DOP1B: variants seen among roughly 807,000 people sequenced by gnomAD.
DOP1B encodes protein DOP1B.
Under a neutral mutation model 233.5 loss-of-function variants are expected in DOP1B, and 174 were observed. That is an observed-to-expected ratio of 0.75 (90% CI 0.66 to 0.85). The LOEUF is 0.85. Among genes scored for constraint, DOP1B ranks in the 40% least tolerant of loss-of-function variants. DOP1B has a pLI of 0.00. For missense variants in DOP1B, 2,652 were observed against 2,846.6 expected, an observed-to-expected ratio of 0.93 and a Z score of 1.56; for synonymous variants, 1,190 against 1,185.6, an observed-to-expected ratio of 1.00 and a Z score of -0.08.
At chr21:36,287,914 TAC>T in intron 32 of DOP1B, 98 bp from the exon 33 acceptor site, 1 of 1,430,648 alleles carries the variant, frequency 7.0e-7, no homozygotes, top group Non-Finnish European at 9.4e-7. Context: ...ACTGGGTTGT[TAC>T]TAGAATGTCA....
chr21:36,290,707 T>C (rs1213790769), intron 35 of DOP1B, among the ~76,000 whole-genome samples: 1 of 151,854 alleles, frequency 6.6e-6, no homozygotes, highest in East Asian at 1.9e-4. Context: ...GGAGAATCGC[T>C]TGAACCTGGG....
intron 21 of DOP1B, among the ~76,000 whole-genome samples, chr21:36,250,566 G>A (rs1272082822): frequency 6.6e-6 from 1 of 152,168 alleles, no homozygotes; most frequent in African/African-American, 2.4e-5. Context: ...AGAGCGGTAG[G>A]ATTTACAGAG....
intron 12 of DOP1B, among the ~76,000 whole-genome samples, chr21:36,226,088 A>G (rs891546938): frequency 6.6e-6 from 1 of 152,168 alleles, no homozygotes; most frequent in Non-Finnish European, 1.5e-5. Context: ...TTGCAAGGAG[A>G]GGAGTAACAT....
intron 35 of DOP1B, 72 bp from the exon 36 acceptor site, chr21:36,292,032 T>C: frequency 6.7e-7 from 1 of 1,501,058 alleles, no homozygotes; most frequent in East Asian, 2.3e-5. Context: ...GAATTATATC[T>C]TAATAAAACT....
Position 36,289,424 on chromosome 21 carries a change from G to GGTGTGTGTGTGT in DOP1B, c.6515+258_6515+269dup, listed in dbSNP as rs59907412. On this transcript the variant is annotated intron_variant, in intron 35 of 36. Coordinates refer to ENST00000691173, the MANE Select transcript of DOP1B (RefSeq NM_001320714.2). Reference sequence around the variant, plus strand: ...GGAGTGTTTATGAATGTGTTTCTATGGTGTGTGTGTGTGTGTGTGTGTGTG... The same window carrying GGTGTGTGTGTGT: ...GGAGTGTTTATGAATGTGTTTCTATGGTGTGTGTGTGTGTGTGTGTGTGTGTGTGTGTGTGTG... Among the ~76,000 whole-genome samples, 227 of 145,026 alleles carry GGTGTGTGTGTGT rather than the reference G, an allele frequency of 1.6e-3. 2 individuals are homozygous for GGTGTGTGTGTGT. The highest frequency in any genetic ancestry group is 2.1e-3 in the East Asian group (10 of 4,692).
intron 2 of DOP1B, among the ~76,000 whole-genome samples, chr21:36,176,079 G>A (rs1320179054): frequency 8.9e-5 from 2 of 22,528 alleles, no homozygotes; most frequent in South Asian, 1.3e-3. Flanking sequence ...GAGGAGCTTC[G>A]ACTTTGGGGT....
chr21:36,220,787 G>A (rs1016884852), intron 10 of DOP1B, among the ~76,000 whole-genome samples: 1 of 151,326 alleles, frequency 6.6e-6, no homozygotes, highest in Non-Finnish European at 1.5e-5. Context: ...TTATAGGTGT[G>A]AGCCGCCATG....
intron 25 of DOP1B, 45 bp from the exon 26 acceptor site, chr21:36,263,703 T>C (rs1055852743): frequency 6.2e-7 from 1 of 1,613,662 alleles, no homozygotes; most frequent in African/African-American, 1.3e-5. Context: ...GCACATATTT[T>C]ATTTCTGCAG....
Position 36,225,584 on chromosome 21 carries a change from A to G in DOP1B, c.1390A>G (p.Ser464Gly). ...TTATAGACCAGTGAAGCAGCGTTAC[A>G]GCGTGAGGAACAGCGTCAGCCCTCC... is the stretch of plus-strand genomic sequence containing the variant. ...ECFRPVKQRY[S>G]VRNSVSPPPT... Residue 464 changes from serine to glycine, a missense_variant, in exon 12 of 37, where the codon AGC becomes GGC. Ser to Gly is a moderately conservative substitution (Grantham distance 56). Coordinates refer to ENST00000691173, the MANE Select transcript of DOP1B (RefSeq NM_001320714.2). 2 of 1,614,068 alleles carry G rather than the reference A, an allele frequency of 1.2e-6. No homozygotes were observed. The highest frequency in any genetic ancestry group is 1.1e-5 in the South Asian group (1 of 91,068).
rs754369476 is a variant in DOP1B at position 36,246,287 on chromosome 21, C to T, written c.4307C>T (p.Pro1436Leu). The change falls in exon 19 of 37, where the codon CCG (proline) becomes CTG (leucine). Residue 1436 changes from proline (P) to leucine (L), a missense_variant. By Grantham distance (98) the Pro-to-Leu change is moderately conservative. Around this residue, in one of 3 missense-constraint regions of DOP1B, gnomAD observed 2,617 missense variants for 2,794.3 expected, o/e 0.94. Transcript: ENST00000691173. The surrounding 1 kb of genome is among the most constrained non-coding windows in gnomAD (Gnocchi z 5.1). ...CAGGACCAGATCTGGAGTGAGCACC[C>T]GCTGCAGATTGAGCTGCTGAAGCTG... ...LGQDQIWSEH[P>L]LQIELLKLLQ... The T allele has an allele frequency of 1.2e-5, 19 of 1,613,926 alleles. No homozygotes were observed. The highest frequency in any genetic ancestry group is 6.7e-5 in the East Asian group (3 of 44,878).
In DOP1B at chr21:36,245,692, C is replaced by T. The variant is rs774288636; in HGVS notation, c.3712C>T (p.Arg1238Trp). Residue 1238 changes from arginine (R) to tryptophan (W), a missense_variant, in exon 19 of 37, where the codon CGG becomes TGG. Around this residue, in one of 3 missense-constraint regions of DOP1B, gnomAD observed 2,617 missense variants for 2,794.3 expected, o/e 0.94. Coordinates refer to ENST00000691173, the MANE Select transcript of DOP1B (RefSeq NM_001320714.2). The surrounding 1 kb of genome is among the most constrained non-coding windows in gnomAD (Gnocchi z 5.5). ...GCTCTACCTGCAGCCCTACGACTCTCGGCGGGTCCTCTATGCCTTCTCGGT... is the reference window on the plus strand; with the variant it reads ...GCTCTACCTGCAGCCCTACGACTCTTGGCGGGTCCTCTATGCCTTCTCGGT... ...ILLYLQPYDS[R>W]RVLYAFSVLE... The T allele has an allele frequency of 1.3e-5, 21 of 1,613,640 alleles. No individual in the cohort carries two copies. Among genetic ancestry groups the T allele is most frequent in the Admixed American group, 6.7e-5 (4 of 59,990 alleles).
intron 2 of DOP1B, chr21:36,170,495 C>G (rs544051770): frequency 6.2e-6 from 1 of 160,288 alleles, no homozygotes; most frequent in Admixed American, 6.3e-5. Context: ...ACCCAGGAGG[C>G]TGAGGCAGGA....
chr21:36,261,081 T>C, intron 24 of DOP1B: 3 of 1,022,414 alleles, frequency 2.9e-6, no homozygotes, highest in Non-Finnish European at 3.5e-6. Context: ...AAAGGAGAAA[T>C]GGGCCAGGCG....
chr21:36,219,903 G>T (rs912063007), intron 10 of DOP1B, among the ~76,000 whole-genome samples: 2 of 151,474 alleles, frequency 1.3e-5, no homozygotes, highest in African/African-American at 4.9e-5. Context: ...AGTGGAAAGG[G>T]GATGTGAGTC....
intron 23 of DOP1B, among the ~76,000 whole-genome samples, chr21:36,258,573 T>A (rs1194511002): frequency 6.6e-6 from 1 of 152,174 alleles, no homozygotes; most frequent in African/African-American, 2.4e-5. Context: ...GCCTCACATA[T>A]GACACGGGGC....
At chr21:36,241,693 C>CTTTTTTT (rs58454212) in intron 18 of DOP1B, among the ~76,000 whole-genome samples, 108 of 105,488 alleles carry the variant, frequency 1.0e-3, no homozygotes, top group Non-Finnish European at 1.4e-3. Flanking sequence ...TTCTTTCTTT[C>CTTTTTTT]TTTTTTTTTT....
At chr21:36,278,899 C>T (rs1409440078) in intron 30 of DOP1B, among the ~76,000 whole-genome samples, 1 of 151,606 alleles carries the variant, frequency 6.6e-6, no homozygotes, top group Non-Finnish European at 1.5e-5. Context: ...CTTGGGGTTC[C>T]AGTGATACTT....
In DOP1B at chr21:36,214,069, G is replaced by C; in HGVS notation, c.905-12G>C. ...CAGCTCTCTTTACAGCTCGGCGCTT[G>C]TTCTTTTGTAGGCTCAGACATAAAA... On this transcript the variant is annotated splice_polypyrimidine_tract_variant and intron_variant, in intron 7 of 36. Coordinates refer to ENST00000691173, the MANE Select transcript of DOP1B (RefSeq NM_001320714.2). 6.2e-7 allele frequency: 1 copy of C among 1,602,204 alleles called. No individual in the cohort carries two copies. The highest frequency in any genetic ancestry group is 8.5e-7 in the Non-Finnish European group (1 of 1,172,222).
intron 2 of DOP1B, among the ~76,000 whole-genome samples, chr21:36,197,434 C>T (rs1278858861): frequency 2.6e-5 from 4 of 152,092 alleles, no homozygotes; most frequent in Non-Finnish European, 5.9e-5. Flanking sequence ...TGAGGGCCCA[C>T]GATTCTGATG....
Sources: gnomAD v4.1 joint callset for allele counts (sites outside exome capture counted in the v4.1 genomes callset) on GRCh38, gnomAD v4.1.1 for gene constraint, gnomAD v4.1.1 regional missense constraint, Gnocchi (gnomAD v3.1) non-coding constraint, MANE v1.5 for transcripts, NCBI Gene and HGNC (gene_info 2026-07-23, HGNC 2026-07-21) for gene names.